The following WT1 variants were observed in gnomAD, a reference collection of about 807,000 sequenced individuals.
The protein encoded by WT1 is WT1 transcription factor, also known as Wilms tumor protein.
In WT1, 8 loss-of-function variants were observed where a neutral mutation model predicts 60.8. That is an observed-to-expected ratio of 0.13 (90% CI 0.08 to 0.24). The LOEUF (loss-of-function observed/expected upper bound fraction) is 0.24. Ranked by LOEUF, WT1 falls within the 10% of genes least tolerant of loss-of-function variation. The probability of loss-of-function intolerance (pLI) is 1.00; values close to 1 mark genes in which losing one functional copy is unlikely to be tolerated. For synonymous variants in WT1, 312 were observed against 297.1 expected, an observed-to-expected ratio of 1.05 and a Z score of -0.52; for missense variants, 568 against 711.8, an observed-to-expected ratio of 0.80 and a Z score of 2.30.
At position 32,390,414 on chromosome 11, in the gene WT1, C is replaced by T. The variant is rs5030305; in HGVS notation, c.1448-1235G>A. 7.4e-3 allele frequency among the ~76,000 whole-genome samples: 1,120 copies of T among 152,292 alleles called. 12 individuals carry two copies. The highest frequency in any genetic ancestry group is 0.026 in the African/African-American group (1,060 of 41,558). On this transcript the variant is annotated intron_variant, in intron 9 of 9. Coordinates refer to ENST00000452863, the MANE Select transcript of WT1 (RefSeq NM_024426.6). The stretch of plus-strand genomic sequence containing the variant: ...CAGCCGTGTCAAAGGGACTATAACA[C>T]TTTGCCACCGAATTATGAGCTCAGG...
At position 32,435,112 on chromosome 11, in the gene WT1, C is replaced by G. The variant is rs1233220797; in HGVS notation, c.249G>C (p.Ala83=). 2 of 1,509,098 alleles carry G rather than the reference C, an allele frequency of 1.3e-6. No homozygotes were observed. Among genetic ancestry groups the G allele is most frequent in the Non-Finnish European group, 1.8e-6 (2 of 1,136,856 alleles). 93.5% of individuals were successfully genotyped at this position (1,509,098 alleles called of 1,614,324 possible). Residue 83 remains alanine (A), a synonymous_variant, in exon 1 of 10, where the codon GCG becomes GCC. Transcript: ENST00000452863. ...CCAGGGAGGGGACGGCGGGCAGCAG[C>G]GCGTTCAGGTCCCGCACGTCGGAGC...
At chr11:32,389,736 T>G (rs1034445362) in intron 9 of WT1, among the ~76,000 whole-genome samples, 7 of 144,446 alleles carry the variant, frequency 4.8e-5, no homozygotes, top group African/African-American at 1.3e-4. Flanking sequence ...TTATGTGTTG[T>G]TTTTTTTTTT....
intron 3 of WT1, among the ~76,000 whole-genome samples, chr11:32,427,233 A>T (rs1853082146): frequency 1.3e-5 from 2 of 152,250 alleles, no homozygotes; most frequent in Admixed American, 6.5e-5. Flanking sequence ...CGGCCGGCCA[A>T]GTTCACCCAA....
chr11:32,429,263 TCTC>T (rs1280618026), intron 1 of WT1, among the ~76,000 whole-genome samples: 2 of 151,852 alleles, frequency 1.3e-5, no homozygotes, highest in Non-Finnish European at 2.9e-5. Context: ...GACCCTGCGC[TCTC>T]CTCCTCCTCC....
chr11:32,396,317 C>T lies in WT1; in HGVS notation c.1204G>A (p.Gly402Ser), dbSNP rs2132940124. The change falls in exon 7 of 10, where the codon GGC (glycine) becomes AGC (serine). Residue 402 changes from glycine (G) to serine (S), a missense_variant. Around this residue, in one of 3 missense-constraint regions of WT1, gnomAD observed 523 missense variants for 565.1 expected, o/e 0.93. Coordinates refer to ENST00000452863, the MANE Select transcript of WT1 (RefSeq NM_024426.6). ...AGCTTAAAATATCTCTTATTGCAGC[C>T]TGGGTAAGCACACATGAAGGGGCGT... 6.2e-7 allele frequency: 1 copy of T among 1,614,172 alleles called. No individual in the cohort carries two copies. The highest frequency in any genetic ancestry group is 8.5e-7 in the Non-Finnish European group (1 of 1,180,040).
At chr11:32,432,870 G>T (rs1853359112) in intron 1 of WT1, among the ~76,000 whole-genome samples, 2 of 152,300 alleles carry the variant, frequency 1.3e-5, no homozygotes, top group South Asian at 4.2e-4. Context: ...AAAGATAATG[G>T]CGTAGTAGTA....
At position 32,398,609 on chromosome 11, in the gene WT1, C is replaced by T. The variant is rs12576146; in HGVS notation, c.1113+1339G>A. 5.3e-5 allele frequency among the ~76,000 whole-genome samples: 8 copies of T among 152,198 alleles called. No individual in the cohort carries two copies. The East Asian group carries it at 1.4e-3, about 26-fold the overall frequency. On this transcript the variant is annotated intron_variant, in intron 6 of 9. Transcript: ENST00000452863. ...ACAGGGGGTCTGAAGTCAGGCAAGA[C>T]CTGTGTTATTAGTCTCGGCTCCAAT...
intron 5 of WT1, among the ~76,000 whole-genome samples, chr11:32,403,847 C>G (rs1852231200): frequency 6.6e-6 from 1 of 151,914 alleles, no homozygotes; most frequent in African/African-American, 2.4e-5. Flanking sequence ...GCTGGGATTA[C>G]AGGTGTGAGC....
intron 3 of WT1, among the ~76,000 whole-genome samples, chr11:32,419,005 T>A (rs1420497731): frequency 6.6e-6 from 1 of 152,210 alleles, no homozygotes; most frequent in African/African-American, 2.4e-5. Context: ...ACGCCGTCAC[T>A]CATCCCCGTG....
At chr11:32,392,584 T>C in intron 8 of WT1, 82 bp downstream of exon 8, 1 of 1,366,396 alleles carries the variant, frequency 7.3e-7, no homozygotes, top group South Asian at 1.2e-5. Flanking sequence ...CTCTCATTCA[T>C]ATTCAACAAC....
At chr11:32,428,427 G>C in intron 2 of WT1, 70 bp downstream of exon 2, 1 of 1,609,614 alleles carries the variant, frequency 6.2e-7, no homozygotes, top group Admixed American at 1.7e-5. Flanking sequence ...TGTGGGTTAG[G>C]AATTCCTGGG....
Position 32,435,009 on chromosome 11 carries a change from C to G in WT1, c.352G>C (p.Ala118Pro), listed in dbSNP as rs1253163678. The G allele has an allele frequency of 6.7e-7, 1 of 1,487,542 alleles. No homozygotes were observed. Among genetic ancestry groups the G allele is most frequent in the Non-Finnish European group, 8.9e-7 (1 of 1,129,298 alleles). The allele number at this position is 1,487,542 out of a possible 1,614,324, so 92.1% of individuals were successfully genotyped here. The stretch of plus-strand genomic sequence containing the variant: ...CCGCCCAACGACCCGTAAGCCGAAG[C>G]GCCCGGGGGCGCAAAGTCCAGCACC... Residue 118 changes from alanine to proline, a missense_variant, in exon 1 of 10, where the codon GCT becomes CCT. Transcript: ENST00000452863.
chr11:32,426,684 G>A (rs550107776), intron 3 of WT1, among the ~76,000 whole-genome samples: 34 of 151,016 alleles, frequency 2.3e-4, no homozygotes, highest in Admixed American at 2.0e-3. Context: ...TGTTCCGGGG[G>A]AAAAAAAGGA....
At chr11:32,393,934 C>T (rs567691791) in intron 7 of WT1, among the ~76,000 whole-genome samples, 2 of 152,270 alleles carry the variant, frequency 1.3e-5, no homozygotes, top group African/African-American at 2.4e-5. Context: ...TCTCTGTTGC[C>T]CAGACTAAAG....
intron 1 of WT1, among the ~76,000 whole-genome samples, chr11:32,432,739 G>C (rs1367507947): frequency 6.6e-6 from 1 of 152,064 alleles, no homozygotes; most frequent in Non-Finnish European, 1.5e-5. Context: ...AAAACCCACA[G>C]TCCCACCCCC....
At chr11:32,409,179 T>C (rs1052970847) in intron 5 of WT1, among the ~76,000 whole-genome samples, 21 of 152,222 alleles carry the variant, frequency 1.4e-4, no homozygotes, top group Admixed American at 9.2e-4. Context: ...TATTATTTTA[T>C]TATTTGCTTG....
At chr11:32,422,236 C>G (rs1203911760) in intron 3 of WT1, among the ~76,000 whole-genome samples, 1 of 152,230 alleles carries the variant, frequency 6.6e-6, no homozygotes, top group African/African-American at 2.4e-5. Context: ...TAATTTCTCT[C>G]AAGCTCACCA....
intron 6 of WT1, among the ~76,000 whole-genome samples, chr11:32,399,457 A>G (rs1419670958): frequency 3.3e-5 from 5 of 152,182 alleles, no homozygotes; most frequent in African/African-American, 1.2e-4. Context: ...GGTAAAGTCC[A>G]TTTTTCTAAA....
chr11:32,393,732 CCTT>C (rs1335269464), intron 7 of WT1, among the ~76,000 whole-genome samples: 2 of 152,218 alleles, frequency 1.3e-5, no homozygotes, highest in Non-Finnish European at 2.9e-5. Flanking sequence ...CTGGGTGTCT[CCTT>C]CTTCTGCAAT....
Sources: gnomAD v4.1 joint callset for allele counts (sites outside exome capture counted in the v4.1 genomes callset) on GRCh38, gnomAD v4.1.1 for gene constraint, gnomAD v4.1.1 regional missense constraint, MANE v1.5 for transcripts, NCBI Gene and HGNC (gene_info 2026-07-23, HGNC 2026-07-21) for gene names.